Variants in SPON1 observed in about 807,000 individuals in gnomAD.
The protein encoded by SPON1 is spondin-1.
SPON1 carries 52 observed loss-of-function variants against 111.7 expected under a neutral mutation model. That is an observed-to-expected ratio of 0.47 (90% CI 0.37 to 0.59). SPON1 has a LOEUF of 0.59. Among genes scored for constraint, SPON1 ranks in the 20% least tolerant of loss-of-function variants. The probability of loss-of-function intolerance (pLI) is 0.00; values close to 1 mark genes in which losing one functional copy is unlikely to be tolerated. For missense variants in SPON1, 957 were observed against 1,068.5 expected (o/e 0.90, Z 1.46); for synonymous variants, 410 against 395.8 (o/e 1.04, Z -0.43).
intron 3 of SPON1, 84 bp downstream of exon 3, chr11:14,041,738 G>T: frequency 1.3e-6 from 2 of 1,499,150 alleles, no homozygotes; most frequent in Non-Finnish European, 1.8e-6. Flanking sequence ...GTTCTTTACT[G>T]AGCATCAGAA....
rs1848121092 is a variant in SPON1, at chr11:13,978,701, C to A, written c.239-4146C>A. Among the ~76,000 whole-genome samples, 3 of 152,268 alleles carry A rather than the reference C, an allele frequency of 2.0e-5. No homozygotes were observed. In the South Asian group the frequency reaches 6.2e-4, roughly 32 times the overall value. ...TGGGGAAATCAGAGGAAACATCACACAAACGGTGGAGATTTGGCTGACTTT... is the reference window on the plus strand; with the variant it reads ...TGGGGAAATCAGAGGAAACATCACAAAAACGGTGGAGATTTGGCTGACTTT... On this transcript the variant is annotated intron_variant, in intron 1 of 15. Coordinates refer to ENST00000576479, the MANE Select transcript of SPON1 (RefSeq NM_006108.4).
intron 5 of SPON1, among the ~76,000 whole-genome samples, chr11:14,120,865 C>T (rs1243388263): frequency 6.6e-6 from 1 of 152,182 alleles, no homozygotes; most frequent in Non-Finnish European, 1.5e-5. Context: ...ATTTCCATTT[C>T]ACAGGTAAGA....
At chr11:14,188,344 T>C (rs563569644) in intron 6 of SPON1, among the ~76,000 whole-genome samples, 1 of 152,236 alleles carries the variant, frequency 6.6e-6, no homozygotes, top group South Asian at 2.1e-4. Context: ...CTGGACACAG[T>C]CCAGGACTAT....
intron 5 of SPON1, among the ~76,000 whole-genome samples, chr11:14,102,445 T>A (rs1849151283): frequency 6.6e-6 from 1 of 152,212 alleles, no homozygotes; most frequent in Admixed American, 6.5e-5. Context: ...CATAATATGA[T>A]CCATTGTATT....
chr11:14,095,218 T>C (rs1462487188), intron 5 of SPON1, among the ~76,000 whole-genome samples: 1 of 152,190 alleles, frequency 6.6e-6, no homozygotes, highest in Non-Finnish European at 1.5e-5. Flanking sequence ...AATGTTTAGC[T>C]TGTCTAGTTT....
rs551323252 is a variant in SPON1, at chr11:14,091,494, G to T, written c.676+11473G>T. 3.2e-4 allele frequency among the ~76,000 whole-genome samples: 49 copies of T among 152,182 alleles called. 1 individual carries two copies. The highest frequency in any genetic ancestry group is 2.6e-3 in the Admixed American group (39 of 15,290). On this transcript the variant is annotated intron_variant, in intron 5 of 15. Transcript: ENST00000576479. ...CCCCGCGGGAAGGCAGCTCAGGCTC[G>T]GTGAGAAATTGAGCGCAGCACCGGT...
chr11:14,017,335 A>T (rs1848450998), intron 2 of SPON1, among the ~76,000 whole-genome samples: 1 of 152,242 alleles, frequency 6.6e-6, no homozygotes, highest in Admixed American at 6.5e-5. Context: ...AAAAAAAATC[A>T]GTGTCAAAAT....
chr11:14,254,410 G>A lies in SPON1; in HGVS notation c.891-118G>A, dbSNP rs562211300. The stretch of plus-strand genomic sequence containing the variant: ...TGGCCAAAGGCAGAATTCAGTGGGA[G>A]ACCACGAATGTGGATACTCTCTGTC... On this transcript the variant is annotated intron_variant, in intron 7 of 15. Transcript: ENST00000576479. The A allele has an allele frequency of 7.0e-4, 645 of 919,340 alleles. 4 individuals carry two copies. Among genetic ancestry groups the A allele is most frequent in the South Asian group, 6.7e-4 (38 of 56,480 alleles). The allele number at this position is 919,340 out of a possible 1,614,324, so 56.9% of individuals were successfully genotyped here. A position where few individuals can be genotyped will look rare whatever the true frequency, so the allele number is the denominator to read the frequency against.
At chr11:14,223,135 C>T (rs573436603) in intron 6 of SPON1, among the ~76,000 whole-genome samples, 5 of 152,216 alleles carry the variant, frequency 3.3e-5, no homozygotes, top group Admixed American at 1.3e-4. Context: ...GAGGCTGAGG[C>T]GGGTGGATCA....
At chr11:13,986,510 T>C (rs1209347093) in intron 2 of SPON1, among the ~76,000 whole-genome samples, 1 of 152,180 alleles carries the variant, frequency 6.6e-6, no homozygotes, top group Non-Finnish European at 1.5e-5. Context: ...TTAGGAACAA[T>C]TCAAATACTC....
chr11:14,023,600 A>G (rs970712879), intron 2 of SPON1, among the ~76,000 whole-genome samples: 35 of 152,206 alleles, frequency 2.3e-4, no homozygotes, highest in African/African-American at 8.2e-4. Flanking sequence ...AGGTGGGCTG[A>G]CTGGGAGATG....
At chr11:14,175,361 G>A (rs1350704095) in intron 6 of SPON1, among the ~76,000 whole-genome samples, 1 of 152,124 alleles carries the variant, frequency 6.6e-6, no homozygotes, top group Admixed American at 6.5e-5. Flanking sequence ...AAGCTGTTAA[G>A]GACACAAAAC....
chr11:14,234,954 G>T (rs1243207589), intron 6 of SPON1, among the ~76,000 whole-genome samples: 4 of 152,216 alleles, frequency 2.6e-5, no homozygotes, highest in Admixed American at 2.6e-4. Flanking sequence ...GCTTCCCGGG[G>T]AACGGGGCAT....
chr11:14,078,557 G>T (rs1848936366), intron 4 of SPON1, among the ~76,000 whole-genome samples: 1 of 152,084 alleles, frequency 6.6e-6, no homozygotes, highest in South Asian at 2.1e-4. Context: ...ATCCAGATGA[G>T]GTCTTTCCTG....
At chr11:14,019,351 TATTA>T (rs1363615821) in intron 2 of SPON1, among the ~76,000 whole-genome samples, 11 of 150,692 alleles carry the variant, frequency 7.3e-5, no homozygotes, top group Admixed American at 1.3e-4. Flanking sequence ...AAATTATGTA[TATTA>T]ATTATATATT....
chr11:14,206,946 G>C (rs1848523727), intron 6 of SPON1, among the ~76,000 whole-genome samples: 1 of 151,986 alleles, frequency 6.6e-6, no homozygotes, highest in Non-Finnish European at 1.5e-5. Context: ...TAAGCAAAAA[G>C]AACAAAGCTG....
chr11:14,067,819 T>C (rs1171816162), intron 3 of SPON1, among the ~76,000 whole-genome samples: 7 of 152,050 alleles, frequency 4.6e-5, no homozygotes, highest in African/African-American at 1.7e-4. Context: ...GCTCTGCAAG[T>C]GGGGAAGATG....
chr11:13,979,536 G>T (rs751867421), intron 1 of SPON1, among the ~76,000 whole-genome samples: 1 of 152,160 alleles, frequency 6.6e-6, no homozygotes, highest in Non-Finnish European at 1.5e-5. Flanking sequence ...CAACTGGGAA[G>T]GTGTCCTGCC....
At chr11:14,221,383 C>T (rs1281390274) in intron 6 of SPON1, among the ~76,000 whole-genome samples, 1 of 152,226 alleles carries the variant, frequency 6.6e-6, no homozygotes, top group African/African-American at 2.4e-5. Flanking sequence ...GGTAAAATGA[C>T]TTGTCCAAGG....
Sources: gnomAD v4.1 joint callset for allele counts (sites outside exome capture counted in the v4.1 genomes callset) on GRCh38, gnomAD v4.1.1 for gene constraint, MANE v1.5 for transcripts, NCBI Gene and HGNC (gene_info 2026-07-23, HGNC 2026-07-21) for gene names.